Variants in MINAR1 observed in about 807,000 individuals in gnomAD.
MINAR1 encodes membrane integral NOTCH2 associated receptor 1, also known as major intrinsically disordered Notch2-binding receptor 1.
MINAR1 carries 40 observed loss-of-function variants against 65.1 expected under a neutral mutation model. The ratio of observed to expected loss-of-function variants is 0.61; its 90% CI spans 0.48 to 0.80. The LOEUF (loss-of-function observed/expected upper bound fraction) is 0.80, where lower values mean the gene tolerates loss of function less well. MINAR1 is among the 30% of genes least tolerant of loss of function. MINAR1 has a pLI of 0.00. For synonymous variants in MINAR1, 482 were observed against 449.1 expected (o/e 1.07, Z -0.93); for missense variants, 1,128 against 1,148.0 (o/e 0.98, Z 0.25).
At chr15:79,452,743 G>GTGT (rs1567055546) in intron 1 of MINAR1, among the ~76,000 whole-genome samples, 15 of 80,870 alleles carry the variant, frequency 1.9e-4, no homozygotes, top group African/African-American at 5.6e-4. Context: ...TGGGTGTGTG[G>GTGT]GGGGGGTGTG....
intron 1 of MINAR1, among the ~76,000 whole-genome samples, chr15:79,440,017 G>A (rs1894826627): frequency 6.6e-6 from 1 of 152,138 alleles, no homozygotes; most frequent in South Asian, 2.1e-4. Flanking sequence ...GAGACACAAT[G>A]TGAGAAATGC....
chr15:79,435,207 C>T (rs1244412689), intron 1 of MINAR1, among the ~76,000 whole-genome samples: 2 of 150,618 alleles, frequency 1.3e-5, no homozygotes, highest in African/African-American at 4.9e-5. Flanking sequence ...ACCTGGGAGG[C>T]AGAGGTTGCG....
chr15:79,464,943 A>G (rs892798703), intron 3 of MINAR1, among the ~76,000 whole-genome samples: 1 of 152,222 alleles, frequency 6.6e-6, no homozygotes, highest in Non-Finnish European at 1.5e-5. Context: ...GATGACCTTG[A>G]AAGAGTTAGA....
At position 79,456,481 on chromosome 15, in the gene MINAR1, G is replaced by T. The variant is rs771399595; in HGVS notation, c.334G>T (p.Val112Leu). 6 of 1,614,078 alleles carry T rather than the reference G, an allele frequency of 3.7e-6. No individual in the cohort carries two copies. Among genetic ancestry groups the T allele is most frequent in the Non-Finnish European group, 5.1e-6 (6 of 1,180,034 alleles). ...GAAGCTGCCCACGGGCCGCCAGAAG[G>T]TACGCAAGAAGGAGGCATCCTTTGA... is the stretch of plus-strand genomic sequence containing the variant. ...KEKLPTGRQKVRKKEASFESC... is the reference protein window; with the variant it reads ...KEKLPTGRQKLRKKEASFESC... The change falls in exon 2 of 4, where the codon GTA becomes TTA. Residue 112 changes from valine to leucine, a missense_variant. Transcript: ENST00000305428.
chr15:79,467,101 G>C (rs1895892513), intron 3 of MINAR1, among the ~76,000 whole-genome samples: 1 of 152,182 alleles, frequency 6.6e-6, no homozygotes, highest in South Asian at 2.1e-4. Context: ...GAATCTAGAA[G>C]GTCAGGCAGA....
At chr15:79,441,478 C>T (rs1669534593) in intron 1 of MINAR1, among the ~76,000 whole-genome samples, 1 of 151,930 alleles carries the variant, frequency 6.6e-6, no homozygotes, top group Non-Finnish European at 1.5e-5. Context: ...GTGTTGGCTA[C>T]AAAGATTATT....
At chr15:79,428,601 G>T (rs1199343444), upstream of MINAR1, among the ~76,000 whole-genome samples, 1 of 151,170 alleles carries the variant, frequency 6.6e-6, no homozygotes, top group African/African-American at 2.4e-5. Context: ...CCTGTTATGA[G>T]GCTTCCACTT....
At chr15:79,432,135 A>G, upstream of MINAR1, among the ~76,000 whole-genome samples, 1 of 152,046 alleles carries the variant, frequency 6.6e-6, no homozygotes, top group East Asian at 1.9e-4. Flanking sequence ...ACCGAGACAC[A>G]AAGACCGAGG....
chr15:79,458,427 G>A lies in MINAR1; in HGVS notation c.2280G>A (p.Trp760Ter). The change falls in exon 2 of 4, where the codon TGG (tryptophan) becomes TGA (stop). Residue 760 changes from tryptophan (W) to a stop codon, truncating the protein, a stop_gained. Coordinates refer to ENST00000305428, the MANE Select transcript of MINAR1 (RefSeq NM_015206.3). LOFTEE classifies it high-confidence loss of function. ...KDTGPGDNKDWHRKSKEADRQ... is the reference protein window; with the variant it reads ...KDTGPGDNKD The stretch of plus-strand genomic sequence containing the variant: ...CAGGCCCAGGAGATAATAAAGACTG[G>A]CATCGGAAATCTAAAGAGGTAATTT... 6.2e-7 allele frequency: 1 copy of A among 1,610,632 alleles called. No individual in the cohort carries two copies. The highest frequency in any genetic ancestry group is 8.5e-7 in the Non-Finnish European group (1 of 1,178,024).
At chr15:79,434,599 C>T (rs993862223) in intron 1 of MINAR1, among the ~76,000 whole-genome samples, 3 of 152,176 alleles carry the variant, frequency 2.0e-5, no homozygotes, top group African/African-American at 7.2e-5. Flanking sequence ...GCTCTCTGCT[C>T]CAGCCAGGTG....
the MINAR1 span, chr15:79,414,328 C>T: frequency 6.6e-6 from 1 of 152,204 alleles, no homozygotes; most frequent in Admixed American, 6.5e-5. Context: ...TTCCTCCTAC[C>T]AAGCAACCTT....
chr15:79,444,763 C>A (rs950382874), intron 1 of MINAR1, among the ~76,000 whole-genome samples: 3 of 141,336 alleles, frequency 2.1e-5, no homozygotes, highest in Admixed American at 7.2e-5. Context: ...AATTTTATTA[C>A]CTTATTGTAA....
intron 1 of MINAR1, among the ~76,000 whole-genome samples, chr15:79,448,363 A>T (rs77526564): frequency 1.3e-5 from 2 of 152,148 alleles, no homozygotes; most frequent in Non-Finnish European, 2.9e-5. Flanking sequence ...TCTCTGGGAG[A>T]GAAAGTGTTC....
At chr15:79,461,343 A>G (rs1895633702) in intron 2 of MINAR1, among the ~76,000 whole-genome samples, 1 of 152,254 alleles carries the variant, frequency 6.6e-6, no homozygotes, top group South Asian at 2.1e-4. Context: ...TTTAATGAGA[A>G]GATGAAATGA....
At chr15:79,427,518 T>G (rs1388141862), upstream of MINAR1, 1 of 152,204 alleles carries the variant, frequency 6.6e-6, no homozygotes, top group Admixed American at 6.5e-5. Context: ...CAACAAAGTG[T>G]TAAGAGCTGG....
At chr15:79,429,583 A>T (rs997385356), upstream of MINAR1, among the ~76,000 whole-genome samples, 2 of 152,224 alleles carry the variant, frequency 1.3e-5, no homozygotes, top group African/African-American at 4.8e-5. Flanking sequence ...TGTCTTCGTG[A>T]TCTGGTGCAC....
Position 79,457,999 on chromosome 15 carries a change from G to A in MINAR1, c.1852G>A (p.Asp618Asn), listed in dbSNP as rs1895499954. 1 of 1,614,002 alleles carries A rather than the reference G, an allele frequency of 6.2e-7. No individual in the cohort carries two copies. The highest frequency in any genetic ancestry group is 1.7e-5 in the Admixed American group (1 of 60,000). ...GCTGGAATCCCTGTCGGGTGTCCGT[G>A]ATGAAATCTCCCAGGTCTTGGGCAA... ...RKLESLSGVRDEISQVLGKLN... is the reference protein window; with the variant it reads ...RKLESLSGVRNEISQVLGKLN... Residue 618 changes from aspartate to asparagine, a missense_variant, in exon 2 of 4, where the codon GAT becomes AAT. Asp to Asn is a conservative substitution (Grantham distance 23). Transcript: ENST00000305428.
chr15:79,440,641 G>A (rs1894843371), intron 1 of MINAR1, among the ~76,000 whole-genome samples: 1 of 152,102 alleles, frequency 6.6e-6, no homozygotes, highest in African/African-American at 2.4e-5. Context: ...CCCTCTGCCT[G>A]GGCTTTGCCT....
In MINAR1 at chr15:79,471,205, G is replaced by A. The variant is rs1046582; in HGVS notation, c.*2821G>A. On this transcript the variant is annotated 3_prime_UTR_variant, in exon 4 of 4. Coordinates refer to ENST00000305428, the MANE Select transcript of MINAR1 (RefSeq NM_015206.3). The stretch of plus-strand genomic sequence containing the variant: ...TCCCACCATACTCTGGCATTTTTAT[G>A]TAAAGGATAATTTCTTGTACCTGAG... 91,974 of 151,964 alleles carry A rather than the reference G, an allele frequency of 0.61. 29,123 individuals are homozygous for A. The highest frequency in any genetic ancestry group is 0.8 in the African/African-American group (33,201 of 41,460). 9.4% of individuals were successfully genotyped at this position (151,964 alleles called of 1,614,324 possible).
Sources: gnomAD v4.1 joint callset for allele counts (sites outside exome capture counted in the v4.1 genomes callset) on GRCh38, gnomAD v4.1.1 for gene constraint, MANE v1.5 for transcripts, NCBI Gene and HGNC (gene_info 2026-07-23, HGNC 2026-07-21) for gene names.